The following RBPMS2 variants were observed in gnomAD, a reference collection of about 807,000 sequenced individuals.
The protein encoded by RBPMS2 is RNA-binding protein with multiple splicing 2.
In RBPMS2, 14 loss-of-function variants were observed where a neutral mutation model predicts 25.7. The ratio of observed to expected loss-of-function variants is 0.55; its 90% CI spans 0.36 to 0.85. The LOEUF (loss-of-function observed/expected upper bound fraction) is 0.85, where lower values mean the gene tolerates loss of function less well. Among genes scored for constraint, RBPMS2 ranks in the 40% least tolerant of loss-of-function variants. The pLI is 0.01. For synonymous variants in RBPMS2, 127 were observed against 115.6 expected (o/e 1.10, Z -0.63); for missense variants, 252 against 283.4 (o/e 0.89, Z 0.80).
intron 1 of RBPMS2, among the ~76,000 whole-genome samples, chr15:64,752,575 C>T (rs2083693043): frequency 6.6e-6 from 1 of 151,814 alleles, no homozygotes; most frequent in Non-Finnish European, 1.5e-5. Context: ...GAAGAACACG[C>T]TAAGATCTTG....
intron 1 of RBPMS2, among the ~76,000 whole-genome samples, chr15:64,772,885 T>G (rs1000813597): frequency 1.5e-4 from 23 of 152,136 alleles, no homozygotes; most frequent in African/African-American, 5.6e-4. Context: ...GAAAGAAAAC[T>G]TAATGCGTAT....
chr15:64,766,174 G>A (rs937438601), intron 1 of RBPMS2, among the ~76,000 whole-genome samples: 3 of 152,160 alleles, frequency 2.0e-5, no homozygotes, highest in African/African-American at 4.8e-5. Flanking sequence ...GAGGTTGGAG[G>A]TGGCCTTGAT....
In RBPMS2 at chr15:64,762,968, G is replaced by C. The variant is rs573166746; in HGVS notation, c.88-11330C>G. 4.1e-4 allele frequency among the ~76,000 whole-genome samples: 63 copies of C among 152,066 alleles called. 2 individuals carry two copies. In the South Asian group the frequency reaches 0.013, roughly 31 times the overall value. Reference sequence around the variant, plus strand: ...CCGACCTGGGCCTGGGAACTTGAGGGGGGTCTCTGCAGAGCCAACGTTAGG... The same window carrying C: ...CCGACCTGGGCCTGGGAACTTGAGGCGGGTCTCTGCAGAGCCAACGTTAGG... On this transcript the variant is annotated intron_variant, in intron 1 of 7. Coordinates refer to ENST00000300069, the MANE Select transcript of RBPMS2 (RefSeq NM_194272.3).
At chr15:64,762,964 G>C (rs757610684) in intron 1 of RBPMS2, among the ~76,000 whole-genome samples, 14 of 151,968 alleles carry the variant, frequency 9.2e-5, no homozygotes, top group Admixed American at 3.3e-4. Context: ...CTGGGAACTT[G>C]AGGGGGGTCT....
chr15:64,748,338 C>T (rs2083638096), intron 6 of RBPMS2, 81 bp downstream of exon 6: 12 of 1,427,044 alleles, frequency 8.4e-6, no homozygotes, highest in Middle Eastern at 2.4e-4. Flanking sequence ...GGGACAGCAG[C>T]GGCCAAGTGG....
At chr15:64,745,189 C>T (rs2083607258) in intron 6 of RBPMS2, among the ~76,000 whole-genome samples, 2 of 152,162 alleles carry the variant, frequency 1.3e-5, no homozygotes, top group Admixed American at 6.6e-5. Context: ...TTTACTTATA[C>T]ACCTGCTCCA....
chr15:64,751,298 A>T (rs1595787614), intron 2 of RBPMS2, among the ~76,000 whole-genome samples: 1 of 150,380 alleles, frequency 6.6e-6, no homozygotes, highest in Non-Finnish European at 1.5e-5. Context: ...AAGCCACTGC[A>T]CTCTAGCCTG....
intron 1 of RBPMS2, among the ~76,000 whole-genome samples, chr15:64,765,172 A>C (rs2083833194): frequency 7.7e-6 from 1 of 130,282 alleles, no homozygotes; most frequent in African/African-American, 2.8e-5. Flanking sequence ...AGTTGCAGTG[A>C]GCCGAGATTG....
chr15:64,749,221 G>A lies in RBPMS2; in HGVS notation c.268-71C>T. The A allele has an allele frequency of 7.7e-6, 12 of 1,566,670 alleles. No individual in the cohort carries two copies. In the South Asian group the frequency reaches 1.2e-4, roughly 16 times the overall value. ...CAGAGTGTTAATGGCAGAGAGTAGA[G>A]AAGGGCGCCATAAACAAGCTCGCCT... On this transcript the variant is annotated intron_variant, in intron 4 of 7. Coordinates refer to ENST00000300069, the MANE Select transcript of RBPMS2 (RefSeq NM_194272.3).
At chr15:64,764,411 C>A (rs778877165) in intron 1 of RBPMS2, among the ~76,000 whole-genome samples, 1 of 152,212 alleles carries the variant, frequency 6.6e-6, no homozygotes, top group Non-Finnish European at 1.5e-5. Context: ...CAGCCCCGAG[C>A]CCACCACACC....
chr15:64,751,481 C>T, intron 2 of RBPMS2, 80 bp downstream of exon 2: 1 of 1,254,462 alleles, frequency 8.0e-7, no homozygotes, highest in Non-Finnish European at 1.2e-6. Context: ...ATCCTGCTGC[C>T]CTGCCCGACC....
At chr15:64,772,210 C>CTG (rs1298467389) in intron 1 of RBPMS2, among the ~76,000 whole-genome samples, 1 of 152,214 alleles carries the variant, frequency 6.6e-6, no homozygotes, top group Admixed American at 6.5e-5. Flanking sequence ...ATTTACCCCT[C>CTG]TTCAGAGACA....
rs1013227954 is a variant in RBPMS2, at chr15:64,767,186, A to T, written c.87+8047T>A. Among the ~76,000 whole-genome samples, 9 of 151,208 alleles carry T rather than the reference A, an allele frequency of 6.0e-5. No individual in the cohort carries two copies. In the South Asian group the frequency reaches 1.9e-3, roughly 32 times the overall value. The stretch of plus-strand genomic sequence containing the variant: ...GGGATACTGGCTCACTGCAGCCTCG[A>T]CTTCCCGGGCTCAAGCGATCCTCCT... On this transcript the variant is annotated intron_variant, in intron 1 of 7. Coordinates refer to ENST00000300069, the MANE Select transcript of RBPMS2 (RefSeq NM_194272.3).
At chr15:64,760,292 C>T (rs2083772293) in intron 1 of RBPMS2, among the ~76,000 whole-genome samples, 1 of 152,224 alleles carries the variant, frequency 6.6e-6, no homozygotes, top group African/African-American at 2.4e-5. Flanking sequence ...TGCGGCCTGG[C>T]CGCTCACCAG....
At chr15:64,750,319 A>G in intron 3 of RBPMS2, 24 bp downstream of exon 3, 1 of 1,609,204 alleles carries the variant, frequency 6.2e-7, no homozygotes, top group South Asian at 1.1e-5. Flanking sequence ...GCTGGGAGGA[A>G]GAAAACCCTA....
At chr15:64,768,556 T>G (rs1206402996) in intron 1 of RBPMS2, among the ~76,000 whole-genome samples, 1 of 151,766 alleles carries the variant, frequency 6.6e-6, no homozygotes, top group African/African-American at 2.4e-5. Flanking sequence ...AAGAATCACT[T>G]GAACCCAAGA....
intron 1 of RBPMS2, 92 bp downstream of exon 1, chr15:64,775,141 C>T: frequency 5.9e-6 from 4 of 682,530 alleles, no homozygotes; most frequent in East Asian, 4.3e-5. Context: ...ATGGCCACCC[C>T]GGCCCCGCGA....
chr15:64,758,033 C>T (rs1595790701), intron 1 of RBPMS2, among the ~76,000 whole-genome samples: 3 of 152,108 alleles, frequency 2.0e-5, no homozygotes, highest in Admixed American at 1.3e-4. Flanking sequence ...ATTCAGGCAC[C>T]GACAACTAGT....
At chr15:64,762,167 T>G (rs1374952541) in intron 1 of RBPMS2, among the ~76,000 whole-genome samples, 1 of 152,144 alleles carries the variant, frequency 6.6e-6, no homozygotes, top group East Asian at 1.9e-4. Context: ...ACACAGTATC[T>G]TGCAAAAGGT....
Sources: gnomAD v4.1 joint callset for allele counts (sites outside exome capture counted in the v4.1 genomes callset) on GRCh38, gnomAD v4.1.1 for gene constraint, MANE v1.5 for transcripts, NCBI Gene and HGNC (gene_info 2026-07-23, HGNC 2026-07-21) for gene names.